The following TTC7B variants were observed in gnomAD, a reference collection of about 807,000 sequenced individuals.
The protein encoded by TTC7B is tetratricopeptide repeat domain 7B.
Under a neutral mutation model 106.8 loss-of-function variants are expected in TTC7B, and 28 were observed. The observed-to-expected ratio is 0.26, with a 90% CI of 0.19 to 0.36. TTC7B has a LOEUF of 0.36. Ranked by LOEUF, TTC7B falls within the 10% of genes least tolerant of loss-of-function variation. The pLI is 1.00. For missense variants in TTC7B, 862 were observed against 1,076.4 expected (o/e 0.80, Z 2.79); for synonymous variants, 405 against 430.6 (o/e 0.94, Z 0.74).
intron 4 of TTC7B, among the ~76,000 whole-genome samples, chr14:90,740,388 C>G (rs959046449): frequency 4.6e-5 from 7 of 151,444 alleles, no homozygotes; most frequent in African/African-American, 1.7e-4. Context: ...AGTCCAGACA[C>G]GGGGACACCA....
chr14:90,722,925 C>T (rs553914839), intron 5 of TTC7B, among the ~76,000 whole-genome samples: 1 of 152,312 alleles, frequency 6.6e-6, no homozygotes, highest in African/African-American at 2.4e-5. Flanking sequence ...CAGGCCAAGT[C>T]CTGGGCTGTC....
At chr14:90,615,171 C>A (rs1016094862) in intron 16 of TTC7B, among the ~76,000 whole-genome samples, 5 of 152,180 alleles carry the variant, frequency 3.3e-5, no homozygotes, top group South Asian at 2.1e-4. Context: ...GTGACTAGCT[C>A]AGTGTAATTT....
chr14:90,773,506 T>C (rs1890928815), intron 3 of TTC7B, among the ~76,000 whole-genome samples: 1 of 152,056 alleles, frequency 6.6e-6, no homozygotes, highest in Non-Finnish European at 1.5e-5. Flanking sequence ...CAGGGAACGA[T>C]AATACTAGGG....
rs1238342807 is a variant in TTC7B, at chr14:90,624,274, A to G, written c.1752-6229T>C. Among the ~76,000 whole-genome samples, 2 of 152,232 alleles carry G rather than the reference A, an allele frequency of 1.3e-5. No individual in the cohort carries two copies. Among genetic ancestry groups the G allele is most frequent in the East Asian group, 3.8e-4 (2 of 5,200 alleles). On this transcript the variant is annotated intron_variant, in intron 15 of 19. Transcript: ENST00000328459. The surrounding 1 kb of genome is among the most constrained non-coding windows in gnomAD (Gnocchi z 4.0). Reference sequence around the variant, plus strand: ...TCTGGAATATTTTAAGAATCTCAAGATAACTCTTGAAATAACAACTATGTT... The same window carrying G: ...TCTGGAATATTTTAAGAATCTCAAGGTAACTCTTGAAATAACAACTATGTT...
chr14:90,695,070 A>AT (rs1335780801), intron 6 of TTC7B, among the ~76,000 whole-genome samples: 4,533 of 81,278 alleles, frequency 0.056, 14 homozygotes, highest in East Asian at 0.13. Context: ...TTTATTATAA[A>AT]ATATATTTTA....
At chr14:90,751,141 A>G (rs991568529) in intron 3 of TTC7B, among the ~76,000 whole-genome samples, 5 of 152,260 alleles carry the variant, frequency 3.3e-5, no homozygotes. Flanking sequence ...GTGGTATGAC[A>G]GCAATGCCTA....
chr14:90,799,965 GACT>G (rs1204042446), intron 1 of TTC7B, among the ~76,000 whole-genome samples: 4 of 152,028 alleles, frequency 2.6e-5, no homozygotes, highest in Non-Finnish European at 5.9e-5. Flanking sequence ...GAGTAGCTGG[GACT>G]ACTACAGGCG....
At position 90,780,835 on chromosome 14, in the gene TTC7B, A is replaced by G. The variant is rs1416906442; in HGVS notation, c.348T>C (p.Ala116=). 4 of 1,614,144 alleles carry G rather than the reference A, an allele frequency of 2.5e-6. No individual in the cohort carries two copies. The highest frequency in any genetic ancestry group is 3.3e-5 in the Admixed American group (2 of 60,010). ...LNYVEGDYKE[A]LNIYARVGLD... is the part of the protein sequence containing the mutation. ...GGCCCACCCGGGCGTAAATGTTCAG[A>G]GCTTCTTTATAATCACCTTCCACAT... The change falls in exon 3 of 20, where the codon GCT becomes GCC. Residue 116 remains alanine, a synonymous_variant. Transcript: ENST00000328459.
chr14:90,799,256 G>T (rs2030095140), intron 1 of TTC7B, among the ~76,000 whole-genome samples: 1 of 152,198 alleles, frequency 6.6e-6, no homozygotes, highest in African/African-American at 2.4e-5. Flanking sequence ...TTTCAGGTCA[G>T]CTTGGAGCAG....
At position 90,802,078 on chromosome 14, in the gene TTC7B, A is replaced by C. The variant is rs2030308371; in HGVS notation, c.121+14097T>G. ...ACTCCATCTCAGGAAGGAAAAAAAA[A>C]AAAAAGAAAGAAAGAAAGCAGCTGG... On this transcript the variant is annotated intron_variant, in intron 1 of 19. Coordinates refer to ENST00000328459, the MANE Select transcript of TTC7B (RefSeq NM_001010854.2). This position sits in a 1 kb window ranked among gnomAD's most constrained non-coding sequence, Gnocchi z 4.7. Among the ~76,000 whole-genome samples, 1 of 152,006 alleles carries C rather than the reference A, an allele frequency of 6.6e-6. No individual in the cohort carries two copies. The highest frequency in any genetic ancestry group is 1.5e-5 in the Non-Finnish European group (1 of 67,982).
chr14:90,771,421 C>T (rs1890859274), intron 3 of TTC7B, among the ~76,000 whole-genome samples: 1 of 152,072 alleles, frequency 6.6e-6, no homozygotes, highest in Non-Finnish European at 1.5e-5. Context: ...CGTCCAAACC[C>T]CATCTCTACA....
At chr14:90,738,305 C>G (rs570321480) in intron 4 of TTC7B, among the ~76,000 whole-genome samples, 10 of 152,202 alleles carry the variant, frequency 6.6e-5, no homozygotes, top group Admixed American at 6.5e-4. Context: ...CCCATACAGC[C>G]ATAGGTAGAG....
intron 4 of TTC7B, among the ~76,000 whole-genome samples, chr14:90,740,280 C>T (rs1041118195): frequency 2.6e-5 from 4 of 152,146 alleles, no homozygotes; most frequent in Non-Finnish European, 5.9e-5. Context: ...AGGGCCACTT[C>T]TCTAGCCCCA....
chr14:90,798,030 G>A (rs372672368), intron 1 of TTC7B, among the ~76,000 whole-genome samples: 1 of 152,174 alleles, frequency 6.6e-6, no homozygotes, highest in Non-Finnish European at 1.5e-5. Flanking sequence ...TCTGACTGAT[G>A]GAACAGTGGA....
At chr14:90,601,403 C>T (rs1892418290) in intron 17 of TTC7B, among the ~76,000 whole-genome samples, 1 of 152,144 alleles carries the variant, frequency 6.6e-6, no homozygotes, top group Non-Finnish European at 1.5e-5. Context: ...AAGAGAAAAA[C>T]ATCACTACTG....
At chr14:90,676,845 T>A (rs530016392) in intron 8 of TTC7B, among the ~76,000 whole-genome samples, 185 bp from the exon 9 acceptor site, 1 of 152,138 alleles carries the variant, frequency 6.6e-6, no homozygotes, top group Non-Finnish European at 1.5e-5. Context: ...GAACATGATA[T>A]ACGGGATGAT....
rs560562664 is a variant in TTC7B, at chr14:90,666,318, C to T, written c.1153-7931G>A. ...CTGGGATTACAGGCGTGCGCCACCACGCCTGGCTAATTTTGTATTTTTAGT... is the reference window on the plus strand; with the variant it reads ...CTGGGATTACAGGCGTGCGCCACCATGCCTGGCTAATTTTGTATTTTTAGT... On this transcript the variant is annotated intron_variant, in intron 9 of 19. Transcript: ENST00000328459. Among the ~76,000 whole-genome samples, 5 of 152,298 alleles carry T rather than the reference C, an allele frequency of 3.3e-5. No homozygotes were observed. The East Asian group carries it at 9.7e-4, about 29-fold the overall frequency.
intron 5 of TTC7B, among the ~76,000 whole-genome samples, chr14:90,724,321 T>C (rs926097150): frequency 2.6e-5 from 4 of 152,170 alleles, no homozygotes; most frequent in Non-Finnish European, 4.4e-5. Context: ...AGGGACTTTG[T>C]CTCTTCTCTT....
chr14:90,814,364 T>C (rs1453535044), intron 1 of TTC7B, among the ~76,000 whole-genome samples: 1 of 152,258 alleles, frequency 6.6e-6, no homozygotes, highest in African/African-American at 2.4e-5. Context: ...AACTCATCTG[T>C]TTTGTTTCAA....
Sources: gnomAD v4.1 joint callset for allele counts (sites outside exome capture counted in the v4.1 genomes callset) on GRCh38, gnomAD v4.1.1 for gene constraint, Gnocchi (gnomAD v3.1) non-coding constraint, MANE v1.5 for transcripts, NCBI Gene and HGNC (gene_info 2026-07-23, HGNC 2026-07-21) for gene names.